Variants in PLEKHA7 observed in about 807,000 individuals in gnomAD.
PLEKHA7 encodes the protein pleckstrin homology domain-containing family A member 7.
PLEKHA7 carries 104 observed loss-of-function variants against 170.0 expected under a neutral mutation model. That is an observed-to-expected ratio of 0.61 (90% confidence interval 0.52 to 0.72). The LOEUF (loss-of-function observed/expected upper bound fraction) is 0.72. Among genes scored for constraint, PLEKHA7 ranks in the 30% least tolerant of loss-of-function variants. The probability of loss-of-function intolerance (pLI) is 0.00; values close to 1 mark genes in which losing one functional copy is unlikely to be tolerated. For synonymous variants in PLEKHA7, 648 were observed against 660.8 expected, an observed-to-expected ratio of 0.98 and a Z score of 0.30; for missense variants, 1,615 against 1,671.7, an observed-to-expected ratio of 0.97 and a Z score of 0.59.
intron 3 of PLEKHA7, among the ~76,000 whole-genome samples, chr11:16,996,472 A>C (rs928404659): frequency 6.6e-6 from 1 of 152,210 alleles, no homozygotes; most frequent in African/African-American, 2.4e-5. Flanking sequence ...AGCCCCTGAC[A>C]GCCTTGGGAA....
intron 4 of PLEKHA7, among the ~76,000 whole-genome samples, chr11:16,860,109 C>T (rs10832694): frequency 0.32 from 48,896 of 152,090 alleles, 9,422 homozygotes; most frequent in East Asian, 0.63. Flanking sequence ...AACAAAAGAA[C>T]TTAGGACTAG....
At chr11:17,012,387 C>T (rs80129440) in intron 3 of PLEKHA7, among the ~76,000 whole-genome samples, 7,939 of 152,222 alleles carry the variant, frequency 0.052, 399 homozygotes, top group East Asian at 0.15. Context: ...GCCTTAAGCC[C>T]TTGCCCTGGC....
At chr11:16,981,457 G>C (rs1368099500) in intron 3 of PLEKHA7, among the ~76,000 whole-genome samples, 1 of 152,072 alleles carries the variant, frequency 6.6e-6, no homozygotes, top group East Asian at 1.9e-4. Context: ...GAGCTTCCTG[G>C]AACACCTGCT....
intron 3 of PLEKHA7, among the ~76,000 whole-genome samples, chr11:16,934,795 GGTT>G (rs1335710746): frequency 6.6e-6 from 1 of 152,032 alleles, no homozygotes; most frequent in African/African-American, 2.4e-5. Context: ...AATTAATAAA[GGTT>G]GTTTACTGTG....
intron 3 of PLEKHA7, among the ~76,000 whole-genome samples, chr11:16,981,879 C>T (rs1863450932): frequency 6.6e-6 from 1 of 152,174 alleles, no homozygotes; most frequent in Non-Finnish European, 1.5e-5. Flanking sequence ...GTCATGGAGC[C>T]GGAATGCAGG....
chr11:16,789,971 A>G lies in PLEKHA7; in HGVS notation c.3053-93T>C. On this transcript the variant is annotated intron_variant, in intron 21 of 26. Transcript: ENST00000531066. This position sits in a 1 kb window ranked among gnomAD's most constrained non-coding sequence, Gnocchi z 4.6. The stretch of plus-strand genomic sequence containing the variant: ...CACACATTCTTGCAGGAGTACCAAG[A>G]GCACCCAGTCAATGACCCACCCTTA... 1 of 1,136,318 alleles carries G rather than the reference A, an allele frequency of 8.8e-7. No individual in the cohort carries two copies. Among genetic ancestry groups the G allele is most frequent in the Non-Finnish European group, 1.3e-6 (1 of 763,452 alleles). The allele number at this position is 1,136,318 out of a possible 1,614,324, so 70.4% of individuals were successfully genotyped here.
At chr11:16,802,695 C>A (rs531149195) in intron 15 of PLEKHA7, among the ~76,000 whole-genome samples, 106 of 152,140 alleles carry the variant, frequency 7.0e-4, no homozygotes, top group Middle Eastern at 3.4e-3. Context: ...TTACAGGTGC[C>A]CACCACCATG....
chr11:16,940,531 G>T (rs1375713012), intron 3 of PLEKHA7, among the ~76,000 whole-genome samples: 1 of 151,668 alleles, frequency 6.6e-6, no homozygotes, highest in African/African-American at 2.4e-5. Context: ...CAGGTGATCC[G>T]CCCGCCTCAG....
chr11:16,848,462 T>A (rs930385242), intron 8 of PLEKHA7, among the ~76,000 whole-genome samples: 3 of 152,232 alleles, frequency 2.0e-5, no homozygotes, highest in African/African-American at 7.2e-5. Flanking sequence ...TCCAGAATGT[T>A]AAGCATGCAA....
At chr11:16,893,825 G>A (rs182751843) in intron 3 of PLEKHA7, among the ~76,000 whole-genome samples, 9 of 152,328 alleles carry the variant, frequency 5.9e-5, no homozygotes, top group Admixed American at 3.9e-4. Context: ...ATGTCCATGA[G>A]GAGTTAAAGC....
intron 3 of PLEKHA7, among the ~76,000 whole-genome samples, chr11:16,966,529 G>A (rs1862384916): frequency 6.6e-6 from 1 of 152,068 alleles, no homozygotes; most frequent in Admixed American, 6.6e-5. Context: ...GGGGCATCTG[G>A]AGTCACTAGC....
Position 16,816,842 on chromosome 11 carries a change from C to G in PLEKHA7, c.1824G>C (p.Ser608=). 1 of 1,614,110 alleles carries G rather than the reference C, an allele frequency of 6.2e-7. No homozygotes were observed. The highest frequency in any genetic ancestry group is 1.1e-5 in the South Asian group (1 of 91,078). ...PPDQRRSVDI[S]LGDSPRRARG... The stretch of plus-strand genomic sequence containing the variant: ...GTGCCCTCCTTGGAGAATCCCCCAG[C>G]GAGATGTCCACACTCCTCCTCTGGT... The change falls in exon 11 of 27, where the codon TCG becomes TCC. Residue 608 remains serine (S), a synonymous_variant. Coordinates refer to ENST00000531066, the MANE Select transcript of PLEKHA7 (RefSeq NM_001329630.2).
chr11:16,804,175 C>T (rs922721222), intron 13 of PLEKHA7, among the ~76,000 whole-genome samples: 1 of 152,130 alleles, frequency 6.6e-6, no homozygotes, highest in African/African-American at 2.4e-5. Context: ...CTCCCATGGC[C>T]AAGATAAGGC....
intron 9 of PLEKHA7, among the ~76,000 whole-genome samples, chr11:16,839,136 C>T (rs1851761168): frequency 6.6e-6 from 1 of 152,098 alleles, no homozygotes; most frequent in African/African-American, 2.4e-5. Context: ...AAATACACTA[C>T]AGTACATCTA....
chr11:16,954,374 A>G (rs1861575844), intron 3 of PLEKHA7, among the ~76,000 whole-genome samples: 1 of 151,938 alleles, frequency 6.6e-6, no homozygotes, highest in African/African-American at 2.4e-5. Flanking sequence ...CAACAACAAC[A>G]AAAATTTAAA....
At chr11:16,900,775 C>CA (rs1857278052) in intron 3 of PLEKHA7, among the ~76,000 whole-genome samples, 1 of 151,826 alleles carries the variant, frequency 6.6e-6, no homozygotes, top group Non-Finnish European at 1.5e-5. Flanking sequence ...TTTTTTCCCC[C>CA]AAAAAATCTT....
intron 8 of PLEKHA7, chr11:16,842,107 A>G (rs1048852195): frequency 5.4e-6 from 1 of 185,136 alleles, no homozygotes; most frequent in Admixed American, 5.8e-5. Context: ...TGCTTTGGCT[A>G]TAATCAGACA....
chr11:16,974,104 A>T (rs1473250247), intron 3 of PLEKHA7, among the ~76,000 whole-genome samples: 1 of 152,122 alleles, frequency 6.6e-6, no homozygotes, highest in Non-Finnish European at 1.5e-5. Context: ...TAAAAATTTT[A>T]AAATAGTTCA....
chr11:16,799,820 G>C (rs574408331), intron 17 of PLEKHA7, among the ~76,000 whole-genome samples: 10 of 152,296 alleles, frequency 6.6e-5, no homozygotes, highest in Non-Finnish European at 2.9e-5. Context: ...CAAGTGCTGG[G>C]GAGAGTCTTG....
Sources: allele counts gnomAD v4.1 joint callset (sites outside exome capture counted in the v4.1 genomes callset), GRCh38; gene constraint gnomAD v4.1.1; non-coding constraint Gnocchi (gnomAD v3.1); transcripts MANE v1.5; gene names NCBI Gene and HGNC (gene_info 2026-07-23, HGNC 2026-07-21).